Variants in ABCB5 observed in about 807,000 individuals in gnomAD.
ABCB5 encodes ATP-binding cassette sub-family B member 5.
A neutral mutation model predicts 144.2 loss-of-function variants in ABCB5; 155 were observed. That is an observed-to-expected ratio of 1.08 (90% CI 0.94 to 1.23). ABCB5 has a LOEUF of 1.23. Among genes scored for constraint, ABCB5 ranks in the 50% most tolerant of loss-of-function variants. ABCB5 has a pLI of 0.00. For synonymous variants in ABCB5, 610 were observed against 528.6 expected, an observed-to-expected ratio of 1.15 and a Z score of -2.11; for missense variants, 1,830 against 1,520.8, an observed-to-expected ratio of 1.20 and a Z score of -3.38.
At chr7:20,697,788 T>C (rs1786477145) in intron 16 of ABCB5, among the ~76,000 whole-genome samples, 1 of 152,204 alleles carries the variant, frequency 6.6e-6, no homozygotes, top group Non-Finnish European at 1.5e-5. Context: ...AAAGCTTAAT[T>C]GTATAAACAA....
At chr7:20,676,197 C>G (rs1049508823) in intron 14 of ABCB5, among the ~76,000 whole-genome samples, 3 of 149,878 alleles carry the variant, frequency 2.0e-5, no homozygotes, top group African/African-American at 7.3e-5. Context: ...CACACACACA[C>G]ACATATGTAT....
At chr7:20,746,380 G>A (rs937607748) in intron 26 of ABCB5, among the ~76,000 whole-genome samples, 2 of 152,236 alleles carry the variant, frequency 1.3e-5, no homozygotes, top group Admixed American at 6.5e-5. Context: ...TTACAGGCGT[G>A]AGCCATCGCG....
intron 14 of ABCB5, among the ~76,000 whole-genome samples, chr7:20,677,246 T>C (rs1785646761): frequency 1.3e-5 from 2 of 152,176 alleles, no homozygotes; most frequent in South Asian, 4.1e-4. Flanking sequence ...GTATATACTT[T>C]TAGAAAAGAG....
At chr7:20,734,095 T>C (rs1782309787) in intron 23 of ABCB5, among the ~76,000 whole-genome samples, 1 of 152,114 alleles carries the variant, frequency 6.6e-6, no homozygotes, top group Non-Finnish European at 1.5e-5. Context: ...ATAATGTCAA[T>C]AGATGAGATT....
At chr7:20,726,411 A>G (rs1250293114) in intron 21 of ABCB5, among the ~76,000 whole-genome samples, 5 of 111,950 alleles carry the variant, frequency 4.5e-5, no homozygotes, top group African/African-American at 1.8e-4. Flanking sequence ...TCTGTTGCCC[A>G]AGCTGGAGTG....
At chr7:20,663,713 CTTT>C (rs34871735) in intron 14 of ABCB5, among the ~76,000 whole-genome samples, 41 of 107,500 alleles carry the variant, frequency 3.8e-4, no homozygotes, top group African/African-American at 1.2e-3. Context: ...TTATGTTAGG[CTTT>C]TTTTTTTTTT....
chr7:20,655,639 T>C (rs1182758159), intron 13 of ABCB5, among the ~76,000 whole-genome samples: 2 of 152,232 alleles, frequency 1.3e-5, no homozygotes, highest in Admixed American at 6.5e-5. Context: ...AACTATATTA[T>C]GCTGATAGAC....
intron 1 of ABCB5, among the ~76,000 whole-genome samples, chr7:20,618,764 C>CTTT (rs59970398): frequency 0.056 from 2,874 of 51,556 alleles, 902 homozygotes; most frequent in East Asian, 0.12. Flanking sequence ...GCTGCATTTT[C>CTTT]TTTTTTTTTT....
At position 20,751,465 on chromosome 7, in the gene ABCB5, C is replaced by T. The variant is rs765516273; in HGVS notation, c.3430-1895C>T. 1.0e-3 allele frequency among the ~76,000 whole-genome samples: 156 copies of T among 151,448 alleles called. 1 individual carries two copies. The highest frequency in any genetic ancestry group is 1.5e-3 in the Non-Finnish European group (101 of 67,904). On this transcript the variant is annotated intron_variant, in intron 26 of 27. Transcript: ENST00000404938. ...CAGCCTGGGCTACAGAGCGAGACTCCGTAAAAAAATAAATAAATAAATAAA... is the reference window on the plus strand; with the variant it reads ...CAGCCTGGGCTACAGAGCGAGACTCTGTAAAAAAATAAATAAATAAATAAA...
chr7:20,718,071 T>C lies in ABCB5; in HGVS notation c.2422-4945T>C, dbSNP rs572300130. On this transcript the variant is annotated intron_variant, in intron 20 of 27. Coordinates refer to ENST00000404938, the MANE Select transcript of ABCB5 (RefSeq NM_001163941.2). ...CGCCCGCCACCACGCCTGGCTAATT[T>C]TTTTGTGGTTTTTTTTTTTAGTAGA... Among the ~76,000 whole-genome samples, 732 of 144,808 alleles carry C rather than the reference T, an allele frequency of 5.1e-3. 7 individuals carry two copies. The highest frequency in any genetic ancestry group is 0.019 in the African/African-American group (698 of 36,828). 95.0% of individuals were successfully genotyped at this position (144,808 alleles called of 152,430 possible).
chr7:20,731,713 C>T (rs924108533), intron 23 of ABCB5, among the ~76,000 whole-genome samples: 5 of 152,122 alleles, frequency 3.3e-5, no homozygotes, highest in Non-Finnish European at 7.4e-5. Flanking sequence ...ACACCAACCA[C>T]CATCCACACA....
chr7:20,664,011 C>T (rs1785089573), intron 14 of ABCB5, among the ~76,000 whole-genome samples: 1 of 146,246 alleles, frequency 6.8e-6, no homozygotes, highest in South Asian at 2.2e-4. Context: ...CCACTGCGCC[C>T]AGTCAGGCAA....
intron 1 of ABCB5, among the ~76,000 whole-genome samples, chr7:20,617,146 C>T (rs893059393): frequency 1.3e-5 from 2 of 151,966 alleles, no homozygotes; most frequent in Non-Finnish European, 2.9e-5. Context: ...TGTGACTCTC[C>T]CTGTAATGGA....
chr7:20,670,695 A>G (rs1468751352), intron 14 of ABCB5, among the ~76,000 whole-genome samples: 1 of 152,204 alleles, frequency 6.6e-6, no homozygotes, highest in Admixed American at 6.5e-5. Flanking sequence ...GCATCACCTG[A>G]GGTCGGGAGT....
At chr7:20,753,218 C>G in intron 26 of ABCB5, 142 bp from the exon 27 acceptor site, 2 of 1,020,092 alleles carry the variant, frequency 2.0e-6, no homozygotes, top group Non-Finnish European at 2.8e-6. Flanking sequence ...CAACAAAGCC[C>G]AAGAATAGAT....
intron 24 of ABCB5, among the ~76,000 whole-genome samples, chr7:20,740,764 A>G (rs542681417): frequency 6.6e-6 from 1 of 152,246 alleles, no homozygotes; most frequent in East Asian, 1.9e-4. Context: ...TTTAATCCTT[A>G]TTTTATTTAG....
chr7:20,731,079 G>T (rs953926373), intron 23 of ABCB5, among the ~76,000 whole-genome samples: 3 of 151,824 alleles, frequency 2.0e-5, no homozygotes, highest in Non-Finnish European at 4.4e-5. Flanking sequence ...AGAAGGCCAG[G>T]CACGGTGGCT....
intron 14 of ABCB5, 122 bp downstream of exon 14, chr7:20,658,798 G>T: frequency 8.2e-7 from 1 of 1,222,940 alleles, no homozygotes; most frequent in Admixed American, 2.6e-5. Flanking sequence ...TATAAAGGCA[G>T]GATGTTAATC....
chr7:20,691,968 T>C (rs1465322266), intron 16 of ABCB5, among the ~76,000 whole-genome samples: 1 of 151,978 alleles, frequency 6.6e-6, no homozygotes, highest in Non-Finnish European at 1.5e-5. Context: ...ATAATAGAAA[T>C]AGACCCGGAA....
Sources: gnomAD v4.1 joint callset for allele counts (sites outside exome capture counted in the v4.1 genomes callset) on GRCh38, gnomAD v4.1.1 for gene constraint, MANE v1.5 for transcripts, NCBI Gene and HGNC (gene_info 2026-07-23, HGNC 2026-07-21) for gene names.